Variants in RNPC3 observed in about 807,000 individuals in gnomAD.
RNPC3 encodes RNA binding region (RNP1, RRM) containing 3.
Under a neutral mutation model 67.5 loss-of-function variants are expected in RNPC3, and 48 were observed. That is an observed-to-expected ratio of 0.71 (90% confidence interval 0.56 to 0.90). The LOEUF is 0.90. RNPC3 is among the 40% of genes least tolerant of loss of function. RNPC3 has a pLI of 0.00. For missense variants in RNPC3, 637 were observed against 626.1 expected (o/e 1.02, Z -0.19); for synonymous variants, 239 against 210.3 (o/e 1.14, Z -1.18).
At chr1:103,546,584 G>T (rs1459609210) in intron 11 of RNPC3, 6 of 334,602 alleles carry the variant, frequency 1.8e-5, no homozygotes, top group African/African-American at 1.3e-4. Context: ...ATTTCCTAGG[G>T]CTAAGTGGCT....
At chr1:103,548,639 A>G (rs989857297) in intron 12 of RNPC3, among the ~76,000 whole-genome samples, 8 of 152,120 alleles carry the variant, frequency 5.3e-5, no homozygotes, top group African/African-American at 1.9e-4. Flanking sequence ...AAACTTTCCC[A>G]CATTTTCCTG....
At chr1:103,536,002 A>C in intron 5 of RNPC3, 124 bp from the exon 6 acceptor site, 1 of 652,566 alleles carries the variant, frequency 1.5e-6, no homozygotes, top group East Asian at 2.8e-5. Flanking sequence ...TTTAAAGGCA[A>C]GAGATGGGCA....
chr1:103,546,527 G>C (rs976968422), intron 11 of RNPC3, 185 bp downstream of exon 11: 9 of 377,322 alleles, frequency 2.4e-5, no homozygotes, highest in Admixed American at 4.6e-5. Flanking sequence ...CTCATAGCTT[G>C]GGTTCTCTGG....
At chr1:103,546,388 A>G (rs1453747458) in intron 11 of RNPC3, 46 bp downstream of exon 11, 2 of 1,007,550 alleles carry the variant, frequency 2.0e-6, no homozygotes, top group Non-Finnish European at 2.8e-6. Context: ...AATAATTTGA[A>G]GGTTTTATAG....
chr1:103,527,682 A>T lies in RNPC3; in HGVS notation c.193-13A>T. The T allele has an allele frequency of 1.3e-6, 2 of 1,541,960 alleles. No individual in the cohort carries two copies. Among genetic ancestry groups the T allele is most frequent in the Non-Finnish European group, 1.8e-6 (2 of 1,139,072 alleles). On this transcript the variant is annotated splice_polypyrimidine_tract_variant and intron_variant, in intron 1 of 14. Transcript: ENST00000423855. The stretch of plus-strand genomic sequence containing the variant: ...TTATATTGGAAGTAATTTGTACCTT[A>T]ACTCTGTTTCAGAAACATACAGCTT...
In RNPC3 at chr1:103,538,127, T is replaced by G. The variant is rs1044044304; in HGVS notation, c.767+643T>G. Among the ~76,000 whole-genome samples, 16 of 152,230 alleles carry G rather than the reference T, an allele frequency of 1.1e-4. No individual in the cohort carries two copies. In the East Asian group the frequency reaches 3.1e-3, roughly 29 times the overall value. ...CCCAAAGTGCTGGGATTACAGGCAT[T>G]AGCCACGTGCCTGGCCTCGATGTAC... On this transcript the variant is annotated intron_variant, in intron 7 of 14. Coordinates refer to ENST00000423855, the MANE Select transcript of RNPC3 (RefSeq NM_017619.4).
At chr1:103,531,470 T>C (rs1650856035) in intron 2 of RNPC3, among the ~76,000 whole-genome samples, 1 of 152,200 alleles carries the variant, frequency 6.6e-6, no homozygotes, top group South Asian at 2.1e-4. Flanking sequence ...CCACCAGCAG[T>C]GTGAAAGTCA....
At chr1:103,527,275 A>G (rs542481035) in intron 1 of RNPC3, among the ~76,000 whole-genome samples, 1 of 152,322 alleles carries the variant, frequency 6.6e-6, no homozygotes, top group African/African-American at 2.4e-5. Context: ...CACAAAGGAA[A>G]TATGCACCTT....
intron 14 of RNPC3, 71 bp downstream of exon 14, chr1:103,551,863 C>A (rs1287918486): frequency 3.3e-5 from 25 of 761,976 alleles, no homozygotes; most frequent in African/African-American, 7.6e-5. Context: ...AAAAGTTTGA[C>A]AAGGTAGTAA....
intron 13 of RNPC3, chr1:103,551,282 AT>A: frequency 2.0e-6 from 1 of 494,644 alleles, no homozygotes; most frequent in Non-Finnish European, 3.5e-6. Flanking sequence ...AGGTTGTTCA[AT>A]TTCAGCCAAG....
chr1:103,538,420 G>A (rs946546706), intron 7 of RNPC3, among the ~76,000 whole-genome samples: 1 of 152,264 alleles, frequency 6.6e-6, no homozygotes, highest in Non-Finnish European at 1.5e-5. Context: ...GCTCAAGAAC[G>A]CTATGTCAAG....
At chr1:103,535,583 C>T in intron 5 of RNPC3, 142 bp downstream of exon 5, 1 of 549,370 alleles carries the variant, frequency 1.8e-6, no homozygotes, top group East Asian at 3.1e-5. Context: ...ATATTTTCTA[C>T]TTCCAAGTAG....
intron 7 of RNPC3, among the ~76,000 whole-genome samples, 192 bp downstream of exon 7, chr1:103,537,676 A>C (rs1651018204): frequency 6.6e-6 from 1 of 152,104 alleles, no homozygotes; most frequent in South Asian, 2.1e-4. Flanking sequence ...ACAAGACCTA[A>C]GTGAAAATTT....
At chr1:103,527,553 TAATC>T in intron 1 of RNPC3, 138 bp from the exon 2 acceptor site, 3 of 673,812 alleles carry the variant, frequency 4.5e-6, no homozygotes, top group Non-Finnish European at 5.3e-6. Context: ...CTGAAATTAG[TAATC>T]AGTTAAATGG....
intron 1 of RNPC3, among the ~76,000 whole-genome samples, chr1:103,527,151 G>A (rs879472177): frequency 6.6e-6 from 1 of 152,094 alleles, no homozygotes; most frequent in Non-Finnish European, 1.5e-5. Flanking sequence ...CTCTTCCTTA[G>A]CATAGTGATT....
intron 2 of RNPC3, among the ~76,000 whole-genome samples, chr1:103,530,248 A>T (rs1570615230): frequency 6.6e-6 from 1 of 152,154 alleles, no homozygotes; most frequent in Non-Finnish European, 1.5e-5. Flanking sequence ...GACAATAAAT[A>T]ATAAACTTTA....
chr1:103,542,533 A>G (rs1162456486), intron 8 of RNPC3, among the ~76,000 whole-genome samples: 1 of 151,944 alleles, frequency 6.6e-6, no homozygotes, highest in Admixed American at 6.6e-5. Flanking sequence ...AACTTCCTAA[A>G]TAATTTGCAG....
At chr1:103,531,814 C>T (rs1650866164) in intron 2 of RNPC3, among the ~76,000 whole-genome samples, 2 of 152,080 alleles carry the variant, frequency 1.3e-5, no homozygotes, top group South Asian at 4.1e-4. Flanking sequence ...TTTTGCTGTG[C>T]AGAAGCTTTT....
At chr1:103,547,630 G>A (rs998232765) in intron 12 of RNPC3, among the ~76,000 whole-genome samples, 1 of 152,182 alleles carries the variant, frequency 6.6e-6, no homozygotes, top group Non-Finnish European at 1.5e-5. Flanking sequence ...ATGAAGCAAT[G>A]AGTCAAAACT....
Sources: allele counts gnomAD v4.1 joint callset (sites outside exome capture counted in the v4.1 genomes callset), GRCh38; gene constraint gnomAD v4.1.1; transcripts MANE v1.5; gene names NCBI Gene and HGNC (gene_info 2026-07-23, HGNC 2026-07-21).